CNTNAP2: variants seen among roughly 807,000 people sequenced by gnomAD.
CNTNAP2 encodes the protein contactin-associated protein-like 2.
A neutral mutation model predicts 155.2 loss-of-function variants in CNTNAP2; 98 were observed. The observed-to-expected ratio is 0.63, with a 90% CI of 0.54 to 0.75. The LOEUF is 0.75. Among genes scored for constraint, CNTNAP2 ranks in the 30% least tolerant of loss-of-function variants. CNTNAP2 has a pLI of 0.00. For missense variants in CNTNAP2, 1,727 were observed against 1,688.1 expected, an observed-to-expected ratio of 1.02 and a Z score of -0.40; for synonymous variants, 651 against 631.2, an observed-to-expected ratio of 1.03 and a Z score of -0.47.
At chr7:148,103,682 G>C (rs1286037314) in intron 15 of CNTNAP2, among the ~76,000 whole-genome samples, 1 of 152,154 alleles carries the variant, frequency 6.6e-6, no homozygotes, top group South Asian at 2.1e-4. Flanking sequence ...AAACAGAATC[G>C]TTCTCGCTCT....
intron 3 of CNTNAP2, among the ~76,000 whole-genome samples, chr7:146,889,617 T>C (rs1178394189): frequency 6.6e-6 from 1 of 152,174 alleles, no homozygotes; most frequent in Non-Finnish European, 1.5e-5. Flanking sequence ...TATTGTTTTT[T>C]AGTTGAATCG....
At chr7:146,622,725 G>A (rs923121521) in intron 1 of CNTNAP2, among the ~76,000 whole-genome samples, 1 of 152,034 alleles carries the variant, frequency 6.6e-6, no homozygotes, top group Non-Finnish European at 1.5e-5. Context: ...GGGAGGCCGA[G>A]GCAGGCGGAT....
chr7:148,010,529 A>AG (rs544747526), intron 15 of CNTNAP2, among the ~76,000 whole-genome samples: 1 of 151,644 alleles, frequency 6.6e-6, no homozygotes, highest in African/African-American at 2.4e-5. Context: ...ATGGAACTCA[A>AG]TTTTTTTAAT....
At chr7:147,006,908 A>G (rs12665903) in intron 3 of CNTNAP2, among the ~76,000 whole-genome samples, 58,581 of 151,856 alleles carry the variant, frequency 0.39, 11,524 homozygotes, top group East Asian at 0.45. Context: ...GAAAAAGTAC[A>G]TGCTGAAAGC....
At chr7:148,292,221 C>T (rs1797202282) in intron 21 of CNTNAP2, among the ~76,000 whole-genome samples, 1 of 151,880 alleles carries the variant, frequency 6.6e-6, no homozygotes, top group African/African-American at 2.4e-5. Flanking sequence ...CTCTTCTTGC[C>T]CAGGAGGACA....
chr7:146,338,770 A>G (rs1177515358), intron 1 of CNTNAP2, among the ~76,000 whole-genome samples: 2 of 152,146 alleles, frequency 1.3e-5, no homozygotes, highest in African/African-American at 4.8e-5. Flanking sequence ...AGAGTCTTTA[A>G]TGTGGTCAGA....
chr7:147,746,066 G>A (rs1271107280), intron 13 of CNTNAP2, among the ~76,000 whole-genome samples: 1 of 152,194 alleles, frequency 6.6e-6, no homozygotes, highest in Non-Finnish European at 1.5e-5. Context: ...GGTCAAATAT[G>A]CAGGTTCTGT....
At chr7:147,278,142 A>T (rs1435410633) in intron 8 of CNTNAP2, among the ~76,000 whole-genome samples, 1 of 150,620 alleles carries the variant, frequency 6.6e-6, no homozygotes, top group African/African-American at 2.4e-5. Flanking sequence ...AAAAAAAAAA[A>T]AATAGCCTCC....
At chr7:146,566,484 C>A (rs1308912225) in intron 1 of CNTNAP2, among the ~76,000 whole-genome samples, 2 of 151,898 alleles carry the variant, frequency 1.3e-5, no homozygotes, top group African/African-American at 2.4e-5. Context: ...CTGAGGCGGG[C>A]GGATCACGAG....
intron 5 of CNTNAP2, among the ~76,000 whole-genome samples, chr7:147,113,016 T>G (rs778966919): frequency 2.0e-5 from 3 of 152,136 alleles, no homozygotes; most frequent in Non-Finnish European, 4.4e-5. Context: ...TGTCTCGTCC[T>G]GGGCTTTTTC....
intron 3 of CNTNAP2, among the ~76,000 whole-genome samples, chr7:146,924,924 C>G (rs1003772784): frequency 6.6e-5 from 10 of 151,996 alleles, no homozygotes; most frequent in African/African-American, 2.4e-4. Context: ...TGATTCCATA[C>G]AGGAATAGAA....
At chr7:146,552,652 G>C (rs1315767783) in intron 1 of CNTNAP2, among the ~76,000 whole-genome samples, 1 of 151,874 alleles carries the variant, frequency 6.6e-6, no homozygotes, top group African/African-American at 2.4e-5. Flanking sequence ...TTCTCTCTTA[G>C]AGTTAAAATC....
intron 3 of CNTNAP2, among the ~76,000 whole-genome samples, chr7:146,913,809 A>G (rs6978517): frequency 0.047 from 7,107 of 151,926 alleles, 532 homozygotes; most frequent in African/African-American, 0.16. Context: ...GGTGACATGA[A>G]CAAGTTCTTT....
intron 17 of CNTNAP2, among the ~76,000 whole-genome samples, chr7:148,163,609 A>C (rs1323897980): frequency 6.6e-6 from 1 of 152,222 alleles, no homozygotes; most frequent in Non-Finnish European, 1.5e-5. Context: ...AAATCCATGC[A>C]ATAATAATGA....
chr7:147,966,068 C>G (rs935429781), intron 14 of CNTNAP2, among the ~76,000 whole-genome samples: 5 of 152,064 alleles, frequency 3.3e-5, no homozygotes, highest in African/African-American at 1.2e-4. Context: ...GTGGGAATAA[C>G]AAAGTATCTC....
intron 12 of CNTNAP2, among the ~76,000 whole-genome samples, chr7:147,602,733 C>T (rs60485461): frequency 0.01 from 1,516 of 151,400 alleles, 26 homozygotes; most frequent in African/African-American, 0.035. Context: ...AGTGAGAATG[C>T]GCAGTGCTTG....
At chr7:147,706,179 A>G (rs1796311969) in intron 13 of CNTNAP2, among the ~76,000 whole-genome samples, 1 of 141,724 alleles carries the variant, frequency 7.1e-6, no homozygotes, top group Admixed American at 7.9e-5. Context: ...GTAACATTTG[A>G]GGTTTTTTTT....
At chr7:146,714,377 C>T (rs1295020140) in intron 1 of CNTNAP2, among the ~76,000 whole-genome samples, 1 of 152,168 alleles carries the variant, frequency 6.6e-6, no homozygotes, top group Non-Finnish European at 1.5e-5. Context: ...CCTAGAAACA[C>T]CATACTATAT....
At chr7:146,906,160 G>T (rs1432057218) in intron 3 of CNTNAP2, among the ~76,000 whole-genome samples, 1 of 152,214 alleles carries the variant, frequency 6.6e-6, no homozygotes, top group Non-Finnish European at 1.5e-5. Flanking sequence ...TACGCCCACG[G>T]AGTCTCGCTG....
Sources: allele counts gnomAD v4.1 joint callset (sites outside exome capture counted in the v4.1 genomes callset), GRCh38; gene constraint gnomAD v4.1.1; transcripts MANE v1.5; gene names NCBI Gene and HGNC (gene_info 2026-07-23, HGNC 2026-07-21).